Variants in LGMN observed in about 807,000 individuals in gnomAD.
LGMN encodes the protein legumain.
Under a neutral mutation model 56.8 loss-of-function variants are expected in LGMN, and 36 were observed. The observed-to-expected ratio is 0.63, with a 90% CI of 0.49 to 0.84. The LOEUF is 0.84. Among genes scored for constraint, LGMN ranks in the 40% least tolerant of loss-of-function variants. LGMN has a pLI of 0.00. For missense variants in LGMN, 446 were observed against 556.1 expected, an observed-to-expected ratio of 0.80 and a Z score of 1.99; for synonymous variants, 199 against 210.1, an observed-to-expected ratio of 0.95 and a Z score of 0.46.
At chr14:92,733,039 C>T (rs1018244787) in intron 1 of LGMN, among the ~76,000 whole-genome samples, 1 of 151,426 alleles carries the variant, frequency 6.6e-6, no homozygotes, top group Non-Finnish European at 1.5e-5. Flanking sequence ...ATCCCAGCTA[C>T]TCGGGAGGCT....
At chr14:92,733,954 C>A (rs1005395908) in intron 1 of LGMN, 2 of 152,176 alleles carry the variant, frequency 1.3e-5, no homozygotes, top group African/African-American at 2.4e-5. Context: ...GGGTGATTTT[C>A]TTCCTCATTT....
At chr14:92,736,014 C>G (rs1483613089) in intron 1 of LGMN, among the ~76,000 whole-genome samples, 4 of 152,124 alleles carry the variant, frequency 2.6e-5, no homozygotes, top group African/African-American at 9.7e-5. Flanking sequence ...TCTTGGACCT[C>G]ATGCAAGAAA....
rs1191487872 is a variant in LGMN, at chr14:92,747,029, C to A, written c.-30+1460G>T. Among the ~76,000 whole-genome samples the A allele has an allele frequency of 3.0e-5, 4 of 135,500 alleles. 1 individual carries two copies. Among genetic ancestry groups the A allele is most frequent in the Non-Finnish European group, 6.3e-5 (4 of 63,782 alleles). The allele number at this position is 135,500 out of a possible 152,430, so 88.9% of individuals were successfully genotyped here. A position where few individuals can be genotyped will look rare whatever the true frequency, so the allele number is the denominator to read the frequency against. ...CCAGCCTGGGCGACAGAGCGAGACT[C>A]CGTCTCAAAAAAAAAAAAAAAAAAA... On this transcript the variant is annotated intron_variant, in intron 1 of 13. Coordinates refer to ENST00000334869, the MANE Select transcript of LGMN (RefSeq NM_005606.7).
At position 92,714,411 on chromosome 14, in the gene LGMN, C is replaced by T. The variant is rs1333614261; in HGVS notation, c.445G>A (p.Gly149Arg). 2 of 1,612,550 alleles carry T rather than the reference C, an allele frequency of 1.2e-6. No individual in the cohort carries two copies. The highest frequency in any genetic ancestry group is 1.1e-5 in the South Asian group (1 of 91,034). Residue 149 changes from glycine to arginine, a missense_variant, in exon 6 of 14, where the codon GGA becomes AGA. Transcript: ENST00000334869. The surrounding 1 kb of genome is among the most constrained non-coding windows in gnomAD (Gnocchi z 5.1). Reference protein sequence around the residue: ...DHVFIYFTDHGSTGILVFPNE... With the variant: ...DHVFIYFTDHRSTGILVFPNE... ...GGAAAAACCAGTATTCCAGTAGATC[C>T]ATGGTCAGTGAAGTAAATGAACACG...
Position 92,713,175 on chromosome 14 carries a change from A to G in LGMN, c.544-304T>C, listed in dbSNP as rs1595532189. Among the ~76,000 whole-genome samples, 7 of 152,174 alleles carry G rather than the reference A, an allele frequency of 4.6e-5. 1 individual carries two copies. The highest frequency in any genetic ancestry group is 2.6e-4 in the Admixed American group (4 of 15,284). Reference sequence around the variant, plus strand: ...CAGGGAGGAGTTTCAAAGACCATACAGTGCAGCAGGCCATCTTTCTGCGTT... The same window carrying G: ...CAGGGAGGAGTTTCAAAGACCATACGGTGCAGCAGGCCATCTTTCTGCGTT... On this transcript the variant is annotated intron_variant, in intron 7 of 13. Transcript: ENST00000334869.
At chr14:92,742,065 C>T (rs938390517) in intron 1 of LGMN, among the ~76,000 whole-genome samples, 16 of 152,034 alleles carry the variant, frequency 1.1e-4, no homozygotes, top group African/African-American at 3.1e-4. Flanking sequence ...TAATGAAGTT[C>T]CTCTTAGTAA....
intron 12 of LGMN, chr14:92,704,913 A>G (rs1889351286): frequency 1.9e-6 from 1 of 528,304 alleles, no homozygotes; most frequent in Non-Finnish European, 3.5e-6. Context: ...TTTGCATGCA[A>G]GTTGGGGGGC....
At chr14:92,711,807 A>G (rs1291517071) in intron 9 of LGMN, 30 bp downstream of exon 9, 1 of 1,609,298 alleles carries the variant, frequency 6.2e-7, no homozygotes, top group Non-Finnish European at 8.5e-7. Flanking sequence ...GTTAAACCCC[A>G]GCTGAACAGC....
intron 1 of LGMN, among the ~76,000 whole-genome samples, chr14:92,748,046 TGTC>T (rs996570933): frequency 2.0e-5 from 3 of 152,148 alleles, no homozygotes; most frequent in Non-Finnish European, 1.5e-5. Context: ...GTATTTCTGT[TGTC>T]GTCGTTAATA....
Position 92,712,859 on chromosome 14 carries a change from T to C in LGMN, c.556A>G (p.Ile186Val). 6.2e-7 allele frequency: 1 copy of C among 1,613,938 alleles called. No homozygotes were observed. The highest frequency in any genetic ancestry group is 2.2e-5 in the East Asian group (1 of 44,888). ...ATGGACCCAGACTCACAGGCTTCAA[T>C]GTAGAACACCATCTGTGAGGCAGAC... ...HKMYRKMVFY[I>V]EACESGSMMN... The change falls in exon 8 of 14, where the codon ATT (isoleucine) becomes GTT (valine). Residue 186 changes from isoleucine to valine, a missense_variant. By Grantham distance (29) the Ile-to-Val change is conservative. Transcript: ENST00000334869.
chr14:92,746,631 G>C (rs1452423779), intron 1 of LGMN, among the ~76,000 whole-genome samples: 1 of 152,168 alleles, frequency 6.6e-6, no homozygotes, highest in African/African-American at 2.4e-5. Context: ...GAGTATCTGA[G>C]ATACAGATCT....
intron 1 of LGMN, among the ~76,000 whole-genome samples, chr14:92,746,482 A>G (rs974196941): frequency 1.3e-5 from 2 of 152,154 alleles, no homozygotes; most frequent in African/African-American, 4.8e-5. Flanking sequence ...GGTGTATTCT[A>G]CCTCCTTAGA....
At chr14:92,727,567 G>A (rs10137934) in intron 2 of LGMN, among the ~76,000 whole-genome samples, 22,863 of 151,876 alleles carry the variant, frequency 0.15, 2,054 homozygotes, top group Non-Finnish European at 0.19. Context: ...GGCACCCGAT[G>A]TGCTGGCCAC....
At chr14:92,707,249 T>TAAA (rs11437706) in intron 11 of LGMN, among the ~76,000 whole-genome samples, 4 of 144,078 alleles carry the variant, frequency 2.8e-5, no homozygotes, top group African/African-American at 5.1e-5. Context: ...ATCAAAAAAC[T>TAAA]AAAAAAAAAA....
intron 2 of LGMN, among the ~76,000 whole-genome samples, chr14:92,731,303 T>C (rs1468712599): frequency 6.6e-6 from 1 of 152,228 alleles, no homozygotes; most frequent in African/African-American, 2.4e-5. Context: ...AACAGCTGTA[T>C]TGAGATAGAG....
intron 3 of LGMN, 32 bp downstream of exon 3, chr14:92,718,715 T>C: frequency 2.8e-6 from 4 of 1,448,150 alleles, no homozygotes; most frequent in Non-Finnish European, 2.9e-6. Context: ...CTGAAGTCCT[T>C]CCCCACCAAG....
Position 92,732,672 on chromosome 14 carries a change from C to T in LGMN, c.115G>A (p.Gly39Ser). Reference protein sequence around the residue: ...HWVVIVAGSNGWYNYRHQADA... With the variant: ...HWVVIVAGSNSWYNYRHQADA... The stretch of plus-strand genomic sequence containing the variant: ...ACCTGGTGCCTATAATTATACCAGC[C>T]ATTTGAACCTGCCACGATCACCACC... The change falls in exon 2 of 14, where the codon GGC (glycine) becomes AGC (serine). Residue 39 changes from glycine to serine, a missense_variant. Physicochemically the swap from Gly to Ser is moderately conservative, Grantham distance 56 (BLOSUM62 0). Transcript: ENST00000334869. 6.2e-7 allele frequency: 1 copy of T among 1,614,106 alleles called. No individual in the cohort carries two copies. Among genetic ancestry groups the T allele is most frequent in the African/African-American group, 1.3e-5 (1 of 75,018 alleles).
intron 2 of LGMN, among the ~76,000 whole-genome samples, chr14:92,728,845 C>T (rs1447550087): frequency 2.6e-5 from 4 of 152,114 alleles, no homozygotes; most frequent in Non-Finnish European, 5.9e-5. Flanking sequence ...CTTAGCCCCA[C>T]CCCCACATCT....
Position 92,706,524 on chromosome 14 carries a change from G to T in LGMN, c.1150C>A (p.Leu384Met), listed in dbSNP as rs1396736975. The change falls in exon 12 of 14, where the codon CTG becomes ATG. Residue 384 changes from leucine (L) to methionine (M), a missense_variant. Coordinates refer to ENST00000334869, the MANE Select transcript of LGMN (RefSeq NM_005606.7). Reference protein sequence around the residue: ...TGHSCYPEALLHFRTHCFNWH... With the variant: ...TGHSCYPEALMHFRTHCFNWH... The stretch of plus-strand genomic sequence containing the variant: ...TTGAAGCAGTGGGTCCGGAAGTGCA[G>T]CAGGGCCTCTGGGTAGCAGCTGTGC... 18 of 1,586,974 alleles carry T rather than the reference G, an allele frequency of 1.1e-5. No homozygotes were observed. Among genetic ancestry groups the T allele is most frequent in the Non-Finnish European group, 1.5e-5 (17 of 1,159,002 alleles).
Sources: gnomAD v4.1 joint callset for allele counts (sites outside exome capture counted in the v4.1 genomes callset) on GRCh38, gnomAD v4.1.1 for gene constraint, Gnocchi (gnomAD v3.1) non-coding constraint, MANE v1.5 for transcripts, NCBI Gene and HGNC (gene_info 2026-07-23, HGNC 2026-07-21) for gene names.